The following TG variants were observed in gnomAD, a reference collection of about 807,000 sequenced individuals.
TG encodes thyroid hormones.
TG carries 270 observed loss-of-function variants against 324.7 expected under a neutral mutation model. The observed-to-expected ratio is 0.83, with a 90% CI of 0.75 to 0.92. TG has a LOEUF of 0.92. Among genes scored for constraint, TG ranks in the 40% least tolerant of loss-of-function variants. The pLI is 0.00. For synonymous variants in TG, 1,401 were observed against 1,327.0 expected, an observed-to-expected ratio of 1.06 and a Z score of -1.21; for missense variants, 3,591 against 3,456.4, an observed-to-expected ratio of 1.04 and a Z score of -0.98.
rs71299042 is a variant in TG, at chr8:132,939,672, TTTTG to T, written c.5042-1663_5042-1660del. Among the ~76,000 whole-genome samples the T allele has an allele frequency of 6.8e-5, 10 of 147,308 alleles. No homozygotes were observed. The South Asian group carries it at 1.9e-3, about 28-fold the overall frequency. ...ATATATAGTCTATGGGGTTTTTTTT[TTTTG>T]TTTGTTTGTTTGTTTTTTAAGATGG... On this transcript the variant is annotated intron_variant, in intron 25 of 47. Transcript: ENST00000220616.
rs150123915 is a variant in TG, at chr8:132,951,946, G to A, written c.5401+3003G>A. ...GATTCTGGGTACAGGAACAGTTGCAGGGGAGGGCATGGAATGATTTGAAAG... is the reference window on the plus strand; with the variant it reads ...GATTCTGGGTACAGGAACAGTTGCAAGGGAGGGCATGGAATGATTTGAAAG... On this transcript the variant is annotated intron_variant, in intron 27 of 47. Transcript: ENST00000220616. 6.3e-3 allele frequency among the ~76,000 whole-genome samples: 953 copies of A among 152,306 alleles called. 3 individuals are homozygous for A. The highest frequency in any genetic ancestry group is 9.2e-3 in the Non-Finnish European group (626 of 68,016).
At chr8:132,920,074 G>T (rs1237747190) in intron 21 of TG, among the ~76,000 whole-genome samples, 1 of 152,218 alleles carries the variant, frequency 6.6e-6, no homozygotes, top group Non-Finnish European at 1.5e-5. Flanking sequence ...AACCTTATCA[G>T]ATTGAAAAAT....
chr8:132,885,727 A>G (rs563235416), intron 8 of TG, among the ~76,000 whole-genome samples: 1 of 152,330 alleles, frequency 6.6e-6, no homozygotes, highest in African/African-American at 2.4e-5. Flanking sequence ...CAGGTGGTTT[A>G]AAACAACAGA....
intron 46 of TG, 96 bp downstream of exon 46, chr8:133,132,042 C>A: frequency 1.3e-6 from 2 of 1,557,004 alleles, no homozygotes; most frequent in South Asian, 1.1e-5. Context: ...TCGATAGACT[C>A]ATCCTTTCCT....
Position 133,066,256 on chromosome 8 carries a change from G to C in TG, c.7240-28788G>C, listed in dbSNP as rs111892373. Among the ~76,000 whole-genome samples, 1,209 of 146,454 alleles carry C rather than the reference G, an allele frequency of 8.3e-3. 5 individuals are homozygous for C. The highest frequency in any genetic ancestry group is 0.015 in the Non-Finnish European group (1,004 of 67,450). On this transcript the variant is annotated intron_variant, in intron 41 of 47. Transcript: ENST00000220616. ...CAAGAGAACGGCGTGAACCCAGAAG[G>C]CAGAGCTTGCAGTGAGCTGAGATCT...
intron 16 of TG, among the ~76,000 whole-genome samples, chr8:132,905,107 C>G (rs554455077): frequency 6.6e-6 from 1 of 152,206 alleles, no homozygotes; most frequent in Admixed American, 6.5e-5. Flanking sequence ...CTGGCACATA[C>G]TACACATCCC....
At chr8:132,937,010 G>C (rs139449942) in intron 25 of TG, among the ~76,000 whole-genome samples, 1 of 152,186 alleles carries the variant, frequency 6.6e-6, no homozygotes, top group Non-Finnish European at 1.5e-5. Flanking sequence ...CAAGGTCATC[G>C]GCAGATTGGA....
At chr8:132,964,220 G>A (rs1221609484) in intron 29 of TG, among the ~76,000 whole-genome samples, 2 of 152,128 alleles carry the variant, frequency 1.3e-5, no homozygotes, top group East Asian at 1.9e-4. Context: ...GGCAGCATCT[G>A]CAAAACTCTC....
intron 29 of TG, among the ~76,000 whole-genome samples, chr8:132,965,856 A>G (rs1358127604): frequency 6.6e-6 from 1 of 152,202 alleles, no homozygotes; most frequent in Non-Finnish European, 1.5e-5. Context: ...AATCAAGACA[A>G]TCCGAGTTGA....
chr8:133,057,829 T>C (rs1841741893), intron 41 of TG, among the ~76,000 whole-genome samples: 1 of 150,740 alleles, frequency 6.6e-6, no homozygotes, highest in African/African-American at 2.4e-5. Flanking sequence ...AGGCATTCAC[T>C]GTCCTGGCTT....
At chr8:132,981,636 T>A (rs1005429096) in intron 34 of TG, among the ~76,000 whole-genome samples, 5 of 152,178 alleles carry the variant, frequency 3.3e-5, no homozygotes, top group Admixed American at 6.5e-5. Context: ...TGGCTCAGCG[T>A]GGATCAGCAG....
chr8:133,008,906 C>T (rs575108564), intron 35 of TG, among the ~76,000 whole-genome samples: 4 of 152,354 alleles, frequency 2.6e-5, no homozygotes, highest in Admixed American at 2.0e-4. Flanking sequence ...CATCATCCTT[C>T]TGCCTCCACA....
chr8:132,911,586 TCA>T, intron 19 of TG, 53 bp downstream of exon 19: 3 of 1,478,784 alleles, frequency 2.0e-6, no homozygotes, highest in East Asian at 2.3e-5. Context: ...TCTCTGAGTC[TCA>T]GTTTTCTCAT....
At chr8:132,889,187 T>C (rs1815868940) in intron 10 of TG, among the ~76,000 whole-genome samples, 2 of 152,202 alleles carry the variant, frequency 1.3e-5, no homozygotes, top group African/African-American at 2.4e-5. Context: ...GACACGAGTT[T>C]CAGTTAAAAT....
intron 28 of TG, among the ~76,000 whole-genome samples, chr8:132,962,606 C>A (rs1389427123): frequency 1.3e-5 from 2 of 152,200 alleles, no homozygotes; most frequent in Non-Finnish European, 2.9e-5. Context: ...ATTTCTAATT[C>A]ATTTACTGGC....
intron 37 of TG, among the ~76,000 whole-genome samples, chr8:133,015,739 C>T (rs1834967527): frequency 6.6e-6 from 1 of 152,176 alleles, no homozygotes; most frequent in Admixed American, 6.5e-5. Flanking sequence ...CCCAAGACCC[C>T]TTGATTTATG....
chr8:133,044,434 T>C (rs1314073568), intron 41 of TG, among the ~76,000 whole-genome samples: 2 of 152,138 alleles, frequency 1.3e-5, no homozygotes, highest in African/African-American at 4.8e-5. Flanking sequence ...TTCTTAGTCT[T>C]TAGGAGCCTG....
chr8:133,103,147 G>C (rs971549802), intron 43 of TG: 2 of 154,026 alleles, frequency 1.3e-5, no homozygotes, highest in African/African-American at 4.8e-5. Context: ...CGGGGACCTG[G>C]ATTCAGAAAA....
intron 41 of TG, among the ~76,000 whole-genome samples, chr8:133,077,752 T>C (rs1845121416): frequency 6.6e-6 from 1 of 151,380 alleles, no homozygotes; most frequent in Non-Finnish European, 1.5e-5. Flanking sequence ...TGTGTGTGTG[T>C]GTGTGTGTGT....
Sources: allele counts gnomAD v4.1 joint callset (sites outside exome capture counted in the v4.1 genomes callset), GRCh38; gene constraint gnomAD v4.1.1; transcripts MANE v1.5; gene names NCBI Gene and HGNC (gene_info 2026-07-23, HGNC 2026-07-21).